Variants in CHN2 observed in about 807,000 individuals in gnomAD.
CHN2 encodes chimerin 2.
Under a neutral mutation model 56.3 loss-of-function variants are expected in CHN2, and 35 were observed. That is an observed-to-expected ratio of 0.62 (90% CI 0.47 to 0.82). CHN2 has a LOEUF of 0.82. Among genes scored for constraint, CHN2 ranks in the 40% least tolerant of loss-of-function variants. The pLI, the probability that CHN2 is intolerant of heterozygous loss-of-function variation, is 0.00. For synonymous variants in CHN2, 210 were observed against 212.8 expected, an observed-to-expected ratio of 0.99 and a Z score of 0.12; for missense variants, 491 against 580.5, an observed-to-expected ratio of 0.85 and a Z score of 1.58.
At chr7:29,501,459 C>T (rs1247077802) in intron 9 of CHN2, among the ~76,000 whole-genome samples, 1 of 152,178 alleles carries the variant, frequency 6.6e-6, no homozygotes, top group Non-Finnish European at 1.5e-5. Flanking sequence ...CCAGAGCCTG[C>T]AGTCAGGGCT....
intron 6 of CHN2, among the ~76,000 whole-genome samples, chr7:29,417,395 G>A (rs1458809130): frequency 6.7e-6 from 1 of 149,030 alleles, no homozygotes; most frequent in African/African-American, 2.5e-5. Flanking sequence ...GAGTGCAGTG[G>A]CGCGATCTCC....
chr7:29,384,212 C>G (rs1191688106), intron 3 of CHN2, among the ~76,000 whole-genome samples: 1 of 152,140 alleles, frequency 6.6e-6, no homozygotes, highest in Non-Finnish European at 1.5e-5. Context: ...TAACAATTTT[C>G]ATATCAACCC....
rs762579354 is a variant in CHN2, at chr7:29,209,337, G to A, written c.49+14347G>A. The stretch of plus-strand genomic sequence containing the variant: ...ATTCCAAGACGCATGGCCTCTCATA[G>A]TCAAAAAGCTTATTATAGTCTTAGT... On this transcript the variant is annotated intron_variant, in intron 1 of 12. Coordinates refer to ENST00000222792, the MANE Select transcript of CHN2 (RefSeq NM_004067.4). Among the ~76,000 whole-genome samples, 4 of 152,240 alleles carry A rather than the reference G, an allele frequency of 2.6e-5. No homozygotes were observed. The South Asian group carries it at 8.3e-4, about 32-fold the overall frequency.
intron 6 of CHN2, among the ~76,000 whole-genome samples, chr7:29,420,059 C>CA (rs398004204): frequency 0.48 from 57,230 of 120,064 alleles, 13,585 homozygotes; most frequent in East Asian, 0.66. Context: ...GACTCCATCT[C>CA]AAAAAAAAAA....
At chr7:29,250,391 C>T (rs1054586870) in intron 1 of CHN2, among the ~76,000 whole-genome samples, 3 of 152,120 alleles carry the variant, frequency 2.0e-5, no homozygotes, top group African/African-American at 4.8e-5. Flanking sequence ...GTTAAAATTC[C>T]TTTTATCCTG....
intron 7 of CHN2, among the ~76,000 whole-genome samples, chr7:29,485,247 C>G (rs1003997118): frequency 6.6e-6 from 1 of 151,926 alleles, no homozygotes; most frequent in East Asian, 1.9e-4. Context: ...ATTGATTATG[C>G]AGGACTGGGC....
intron 6 of CHN2, among the ~76,000 whole-genome samples, chr7:29,460,780 G>A (rs921524274): frequency 1.3e-5 from 2 of 152,228 alleles, no homozygotes; most frequent in Non-Finnish European, 2.9e-5. Flanking sequence ...CCTGTCCTTG[G>A]CTGCATAGGC....
intron 1 of CHN2, among the ~76,000 whole-genome samples, chr7:29,253,347 A>G (rs866991810): frequency 3.7e-4 from 57 of 152,246 alleles, no homozygotes; most frequent in African/African-American, 1.3e-3. Context: ...TCAAGGAGGA[A>G]GAGGTGGCTC....
At position 29,491,664 on chromosome 7, in the gene CHN2, C is replaced by G. The variant is rs146204808; in HGVS notation, c.655-4288C>G. On this transcript the variant is annotated intron_variant, in intron 7 of 12. Transcript: ENST00000222792. ...CAAGTGATCCTCCTACCTTGACCTCCCAAAGCACTGGGATTACAGGCATGA... is the reference window on the plus strand; with the variant it reads ...CAAGTGATCCTCCTACCTTGACCTCGCAAAGCACTGGGATTACAGGCATGA... 7.7e-4 allele frequency among the ~76,000 whole-genome samples: 118 copies of G among 152,286 alleles called. 2 individuals are homozygous for G. In the East Asian group the frequency reaches 0.022, roughly 28 times the overall value.
intron 1 of CHN2, among the ~76,000 whole-genome samples, chr7:29,248,176 G>A (rs950630222): frequency 7.2e-5 from 11 of 152,206 alleles, no homozygotes; most frequent in South Asian, 4.1e-4. Flanking sequence ...TGAAAGTGTG[G>A]GCCAGAGCGT....
At chr7:29,483,846 T>G in intron 7 of CHN2, 1 of 1,291,976 alleles carries the variant, frequency 7.7e-7, no homozygotes, top group Non-Finnish European at 1.0e-6. Flanking sequence ...GCCCGCATAG[T>G]ACTCCTGGCC....
chr7:29,460,570 A>T (rs1472700256), intron 6 of CHN2, among the ~76,000 whole-genome samples: 1 of 152,182 alleles, frequency 6.6e-6, no homozygotes, highest in Non-Finnish European at 1.5e-5. Flanking sequence ...CCAAGAGAGG[A>T]TGGTTTTAAA....
chr7:29,268,322 A>ACACACACACAC (rs59299983), intron 1 of CHN2, among the ~76,000 whole-genome samples: 40 of 151,094 alleles, frequency 2.6e-4, no homozygotes, highest in Middle Eastern at 3.4e-3. Context: ...ACACACACAC[A>ACACACACACAC]ATGTCCTTCA....
intron 6 of CHN2, among the ~76,000 whole-genome samples, chr7:29,445,593 G>A (rs849913): frequency 1.3e-5 from 2 of 151,952 alleles, no homozygotes; most frequent in Non-Finnish European, 2.9e-5. Flanking sequence ...CAAAAGGACC[G>A]TTTTTTCTTT....
intron 1 of CHN2, among the ~76,000 whole-genome samples, chr7:29,279,123 C>T (rs1350175723): frequency 6.6e-6 from 1 of 152,174 alleles, no homozygotes; most frequent in African/African-American, 2.4e-5. Flanking sequence ...CATCAGTTTT[C>T]TTTTATGGAA....
intron 6 of CHN2, among the ~76,000 whole-genome samples, chr7:29,444,408 G>C (rs1783888009): frequency 6.6e-6 from 1 of 152,146 alleles, no homozygotes; most frequent in Non-Finnish European, 1.5e-5. Context: ...GGTTTTGTCT[G>C]GGGCATTTCA....
rs888222549 is a variant in CHN2 at position 29,240,489 on chromosome 7, G to C, written c.49+45499G>C. 1.6e-4 allele frequency among the ~76,000 whole-genome samples: 24 copies of C among 152,240 alleles called. 1 individual carries two copies. In the South Asian group the frequency reaches 3.7e-3, roughly 24 times the overall value. On this transcript the variant is annotated intron_variant, in intron 1 of 12. Transcript: ENST00000222792. ...CAGTCTGAGGCAGAAAGCTAGTCTT[G>C]GGCAGGTAGAAGAAACTATATATTT...
At chr7:29,406,873 C>T (rs1418646302) in intron 6 of CHN2, among the ~76,000 whole-genome samples, 1 of 152,214 alleles carries the variant, frequency 6.6e-6, no homozygotes, top group Admixed American at 6.5e-5. Flanking sequence ...TACTCCTCAG[C>T]CTACTTCCTA....
intron 6 of CHN2, among the ~76,000 whole-genome samples, chr7:29,474,137 TTATACTA>T (rs1786392119): frequency 1.3e-5 from 2 of 152,204 alleles, no homozygotes; most frequent in South Asian, 4.1e-4. Flanking sequence ...AATCTGGGAA[TTATACTA>T]TACATGGCTC....
Sources: gnomAD v4.1 joint callset for allele counts (sites outside exome capture counted in the v4.1 genomes callset) on GRCh38, gnomAD v4.1.1 for gene constraint, MANE v1.5 for transcripts, NCBI Gene and HGNC (gene_info 2026-07-23, HGNC 2026-07-21) for gene names.